The following FAM117A variants were observed in gnomAD, a reference collection of about 807,000 sequenced individuals.
FAM117A encodes protein FAM117A.
In FAM117A, 21 loss-of-function variants were observed where a neutral mutation model predicts 44.1. That is an observed-to-expected ratio of 0.48 (90% CI 0.34 to 0.69). The LOEUF is 0.69. FAM117A is among the 30% of genes least tolerant of loss of function. The probability of loss-of-function intolerance (pLI) is 0.01; values close to 1 mark genes in which losing one functional copy is unlikely to be tolerated. For missense variants in FAM117A, 498 were observed against 589.9 expected, an observed-to-expected ratio of 0.84 and a Z score of 1.61; for synonymous variants, 220 against 238.3, an observed-to-expected ratio of 0.92 and a Z score of 0.71.
At chr17:49,760,494 A>G (rs758150107) in intron 1 of FAM117A, among the ~76,000 whole-genome samples, 4 of 152,082 alleles carry the variant, frequency 2.6e-5, no homozygotes, top group Non-Finnish European at 5.9e-5. Flanking sequence ...ATAAAACTTT[A>G]TTTACAAAAA....
intron 1 of FAM117A, among the ~76,000 whole-genome samples, chr17:49,779,962 C>T (rs35388001): frequency 0.21 from 31,287 of 152,156 alleles, 3,888 homozygotes; most frequent in South Asian, 0.3. Flanking sequence ...GCAAGAAAAT[C>T]GTTCTTAACT....
intron 7 of FAM117A, among the ~76,000 whole-genome samples, chr17:49,712,030 T>C (rs1006348927): frequency 6.6e-6 from 1 of 152,142 alleles, no homozygotes; most frequent in Non-Finnish European, 1.5e-5. Flanking sequence ...CCTGTAATCC[T>C]AGCTATTCAG....
intron 1 of FAM117A, among the ~76,000 whole-genome samples, chr17:49,771,669 G>C (rs1242864009): frequency 6.6e-6 from 1 of 152,178 alleles, no homozygotes; most frequent in East Asian, 1.9e-4. Flanking sequence ...AAACCAGCTG[G>C]TTTCTAGAGC....
chr17:49,716,071 C>A, intron 7 of FAM117A, 94 bp downstream of exon 7: 2 of 1,391,840 alleles, frequency 1.4e-6, no homozygotes, highest in Non-Finnish European at 2.0e-6. Flanking sequence ...AAGTTGACAA[C>A]ACCTCTATGA....
chr17:49,717,699 C>G lies in FAM117A; in HGVS notation c.724G>C (p.Asp242His), dbSNP rs754676704. ...GGAGGAGCTGGGGCCCGGTGCCCATCAGGGATATCAAGGATCTAACGGGGA... is the reference window on the plus strand; with the variant it reads ...GGAGGAGCTGGGGCCCGGTGCCCATGAGGGATATCAAGGATCTAACGGGGA... ...EELLRILDIPDGHRAPAPPQS... is the reference protein window; with the variant it reads ...EELLRILDIPHGHRAPAPPQS... Residue 242 changes from aspartate to histidine, a missense_variant, in exon 6 of 8, where the codon GAT (aspartate) becomes CAT (histidine). Transcript: ENST00000240364. The G allele has an allele frequency of 1.9e-6, 3 of 1,608,384 alleles. No individual in the cohort carries two copies. The highest frequency in any genetic ancestry group is 1.1e-5 in the South Asian group (1 of 90,654).
chr17:49,743,340 A>G (rs2073641965), intron 1 of FAM117A, among the ~76,000 whole-genome samples: 1 of 152,172 alleles, frequency 6.6e-6, no homozygotes, highest in African/African-American at 2.4e-5. Context: ...TCCTACCAGT[A>G]AGTCCAGAAC....
chr17:49,747,371 C>T (rs998236884), intron 1 of FAM117A: 2 of 152,228 alleles, frequency 1.3e-5, no homozygotes, highest in African/African-American at 4.8e-5. Context: ...TTTGCTCTCT[C>T]GCTACAGCTC....
upstream of FAM117A, among the ~76,000 whole-genome samples, chr17:49,768,865 T>C (rs1206119553): frequency 2.0e-5 from 3 of 152,248 alleles, no homozygotes; most frequent in Non-Finnish European, 2.9e-5. Flanking sequence ...TGTCCCTTGC[T>C]GTGGCCCACG....
At chr17:49,725,570 G>A (rs1000568513) in intron 2 of FAM117A, among the ~76,000 whole-genome samples, 2 of 152,226 alleles carry the variant, frequency 1.3e-5, no homozygotes, top group Non-Finnish European at 2.9e-5. Context: ...GTGAGGGAGT[G>A]AGTCATGTGC....
At chr17:49,722,680 T>C (rs912639038) in intron 2 of FAM117A, 86 bp from the exon 3 acceptor site, 19 of 1,089,462 alleles carry the variant, frequency 1.7e-5, no homozygotes, top group Non-Finnish European at 2.5e-5. Flanking sequence ...GTAGAGGTGA[T>C]GGCCCTTTGA....
Position 49,711,167 on chromosome 17 carries a change from C to A in FAM117A, c.*88G>T. On this transcript the variant is annotated 3_prime_UTR_variant, in exon 8 of 8. Transcript: ENST00000240364. Reference sequence around the variant, plus strand: ...TGCTCGAAGGCCGAGAGGGAAGGGCCCCTCCATACCCCATCTCAGGGGACC... The same window carrying A: ...TGCTCGAAGGCCGAGAGGGAAGGGCACCTCCATACCCCATCTCAGGGGACC... 1 of 1,310,838 alleles carries A rather than the reference C, an allele frequency of 7.6e-7. No homozygotes were observed. The highest frequency in any genetic ancestry group is 1.5e-5 in the South Asian group (1 of 68,574). 81.2% of individuals were successfully genotyped at this position (1,310,838 alleles called of 1,614,324 possible). A position where few individuals can be genotyped will look rare whatever the true frequency, so the allele number is the denominator to read the frequency against.
chr17:49,764,589 T>A (rs1355882887), upstream of FAM117A, among the ~76,000 whole-genome samples: 1 of 152,208 alleles, frequency 6.6e-6, no homozygotes, highest in Non-Finnish European at 1.5e-5. Context: ...GTTGAGTCCC[T>A]GAATCACAGA....
chr17:49,784,415 T>G lies in FAM117A; in HGVS notation c.-621+4082A>C, dbSNP rs370297143. 9.8e-5 allele frequency among the ~76,000 whole-genome samples: 15 copies of G among 152,334 alleles called. No homozygotes were observed. The East Asian group carries it at 2.7e-3, about 27-fold the overall frequency. On this transcript the variant is annotated intron_variant, in intron 1 of 7. Transcript: ENST00000513602. ...GAAAGAGATTGCTAAAATGCATGTCTGACTGGCGGCCTCCTCTGCTTAAGG... is the reference window on the plus strand; with the variant it reads ...GAAAGAGATTGCTAAAATGCATGTCGGACTGGCGGCCTCCTCTGCTTAAGG...
At chr17:49,785,520 CA>C (rs377023260) in intron 1 of FAM117A, among the ~76,000 whole-genome samples, 1,851 of 152,006 alleles carry the variant, frequency 0.012, 22 homozygotes, top group Non-Finnish European at 0.02. Flanking sequence ...TCTTAAAAAA[CA>C]AAAAACAAAA....
intron 1 of FAM117A, among the ~76,000 whole-genome samples, chr17:49,788,335 C>A (rs1292112662): frequency 1.3e-5 from 2 of 152,136 alleles, no homozygotes; most frequent in Non-Finnish European, 2.9e-5. Context: ...GGGGTTAAAT[C>A]TAATCTCAGC....
At chr17:49,745,955 A>T (rs1182131857) in intron 1 of FAM117A, among the ~76,000 whole-genome samples, 1 of 152,238 alleles carries the variant, frequency 6.6e-6, no homozygotes, top group African/African-American at 2.4e-5. Flanking sequence ...CAAAGCCACA[A>T]TTACTTTTGT....
At chr17:49,767,470 A>G (rs1260467958), upstream of FAM117A, among the ~76,000 whole-genome samples, 1 of 152,244 alleles carries the variant, frequency 6.6e-6, no homozygotes, top group African/African-American at 2.4e-5. Context: ...CATTGTCCCT[A>G]TGCTGAAGTT....
chr17:49,788,145 C>T (rs1286364022), intron 1 of FAM117A, among the ~76,000 whole-genome samples: 6 of 152,232 alleles, frequency 3.9e-5, no homozygotes. Flanking sequence ...AATGTCTCCT[C>T]TACCAGACAG....
intron 6 of FAM117A, 46 bp downstream of exon 6, chr17:49,717,467 C>A: frequency 6.3e-7 from 1 of 1,575,596 alleles, no homozygotes; most frequent in East Asian, 2.2e-5. Flanking sequence ...TGGAGCCACT[C>A]ATGTGCCCCA....
Sources: gnomAD v4.1 joint callset for allele counts (sites outside exome capture counted in the v4.1 genomes callset) on GRCh38, gnomAD v4.1.1 for gene constraint, MANE v1.5 for transcripts, NCBI Gene and HGNC (gene_info 2026-07-23, HGNC 2026-07-21) for gene names.